Variants in CMTM7 observed in about 807,000 individuals in gnomAD.
CMTM7 encodes CKLF-like MARVEL transmembrane domain-containing protein 7.
Under a neutral mutation model 19.3 loss-of-function variants are expected in CMTM7, and 7 were observed. That is an observed-to-expected ratio of 0.36 (90% confidence interval 0.21 to 0.68). CMTM7 has a LOEUF of 0.68. CMTM7 is among the 30% of genes least tolerant of loss of function. CMTM7 has a pLI of 0.60. For missense variants in CMTM7, 193 were observed against 232.6 expected, an observed-to-expected ratio of 0.83 and a Z score of 1.11; for synonymous variants, 87 against 99.3, an observed-to-expected ratio of 0.88 and a Z score of 0.74.
At chr3:32,403,790 G>A (rs545113675) in intron 1 of CMTM7, among the ~76,000 whole-genome samples, 10 of 152,236 alleles carry the variant, frequency 6.6e-5, no homozygotes, top group South Asian at 4.1e-4. Flanking sequence ...TTATTTGGTC[G>A]TACTATATAA....
intron 1 of CMTM7, among the ~76,000 whole-genome samples, chr3:32,429,699 G>C (rs1468491298): frequency 6.8e-6 from 1 of 146,418 alleles, no homozygotes; most frequent in African/African-American, 2.5e-5. Flanking sequence ...CTCCCAGGTT[G>C]ACGCCATTCT....
intron 1 of CMTM7, among the ~76,000 whole-genome samples, chr3:32,405,785 T>A (rs1696083449): frequency 6.6e-6 from 1 of 152,198 alleles, no homozygotes; most frequent in East Asian, 1.9e-4. Flanking sequence ...AATAAATATC[T>A]TGTAAGTTAT....
intron 1 of CMTM7, among the ~76,000 whole-genome samples, chr3:32,395,760 A>G (rs914044619): frequency 1.5e-4 from 23 of 152,232 alleles, no homozygotes; most frequent in African/African-American, 5.5e-4. Flanking sequence ...GTGACCCAGC[A>G]ATTCTACTCC....
chr3:32,422,583 C>T (rs1450947092), intron 1 of CMTM7, among the ~76,000 whole-genome samples: 2 of 152,214 alleles, frequency 1.3e-5, no homozygotes, highest in Non-Finnish European at 2.9e-5. Flanking sequence ...GAATGAATAA[C>T]TTCATTCTCC....
intron 1 of CMTM7, among the ~76,000 whole-genome samples, chr3:32,398,500 C>G (rs1420446988): frequency 6.6e-6 from 1 of 151,878 alleles, no homozygotes; most frequent in African/African-American, 2.4e-5. Flanking sequence ...TCTTTATACT[C>G]AAATAGAGAA....
chr3:32,417,902 A>G (rs1464501333), intron 1 of CMTM7, among the ~76,000 whole-genome samples: 2 of 152,028 alleles, frequency 1.3e-5, no homozygotes, highest in Non-Finnish European at 2.9e-5. Context: ...GCTCACTGCA[A>G]CCTCCACCTT....
rs1696795177 is a variant in CMTM7 at position 32,449,300 on chromosome 3, G to A, written c.334-154G>A. ...TGGTCAGCCCGCATGTTGGCTGCCT[G>A]CGAGCGGCTCTGCTCATCCCATTTG... On this transcript the variant is annotated intron_variant, in intron 2 of 4. Transcript: ENST00000334983. The surrounding 1 kb of genome is among the most constrained non-coding windows in gnomAD (Gnocchi z 4.5). Among the ~76,000 whole-genome samples, 1 of 152,160 alleles carries A rather than the reference G, an allele frequency of 6.6e-6. No homozygotes were observed.
intron 1 of CMTM7, among the ~76,000 whole-genome samples, chr3:32,425,101 G>A (rs1696409797): frequency 6.6e-6 from 1 of 152,208 alleles, no homozygotes; most frequent in African/African-American, 2.4e-5. Context: ...CAGCTCTGTG[G>A]TCTAGAGCAG....
chr3:32,440,135 G>C (rs1056694182), intron 1 of CMTM7, among the ~76,000 whole-genome samples: 3 of 151,852 alleles, frequency 2.0e-5, no homozygotes, highest in East Asian at 1.9e-4. Context: ...GGCCAGGCGT[G>C]GTGGCTCACA....
chr3:32,451,866 A>G, intron 3 of CMTM7: 2 of 367,334 alleles, frequency 5.4e-6, no homozygotes, highest in South Asian at 4.2e-5. Context: ...AGTTGAGTCT[A>G]ATATTGTTTA....
At chr3:32,439,845 C>T (rs1323038559) in intron 1 of CMTM7, among the ~76,000 whole-genome samples, 1 of 152,170 alleles carries the variant, frequency 6.6e-6, no homozygotes, top group African/African-American at 2.4e-5. Context: ...AGTTGAGGGG[C>T]CACATTTGGG....
At position 32,395,678 on chromosome 3, in the gene CMTM7, AT is replaced by A. The variant is rs1280955510; in HGVS notation, c.159+3614del. Among the ~76,000 whole-genome samples, 3 of 152,236 alleles carry A rather than the reference AT, an allele frequency of 2.0e-5. No homozygotes were observed. The East Asian group carries it at 5.8e-4, about 29-fold the overall frequency. On this transcript the variant is annotated intron_variant, in intron 1 of 4. Transcript: ENST00000334983. ...AGGATGTGAAGAAATTGGAACTCTG[AT>A]ACAGTGCTGATGAGAATGCAAAATG...
intron 1 of CMTM7, among the ~76,000 whole-genome samples, chr3:32,395,534 A>G (rs573813791): frequency 6.1e-4 from 93 of 152,380 alleles, no homozygotes; most frequent in African/African-American, 1.9e-3. Flanking sequence ...TCCAAAACTC[A>G]TAACTCTGGC....
chr3:32,393,489 T>C (rs972967119), intron 1 of CMTM7, among the ~76,000 whole-genome samples: 1 of 152,142 alleles, frequency 6.6e-6, no homozygotes, highest in Non-Finnish European at 1.5e-5. Flanking sequence ...GAGAATGGGA[T>C]CAGAAGCCTC....
intron 1 of CMTM7, among the ~76,000 whole-genome samples, chr3:32,434,729 A>C (rs540611767): frequency 6.6e-6 from 1 of 152,252 alleles, no homozygotes; most frequent in Non-Finnish European, 1.5e-5. Context: ...CAAAAGACTA[A>C]AAATAAAGGC....
intron 1 of CMTM7, among the ~76,000 whole-genome samples, chr3:32,427,453 G>A (rs552688744): frequency 6.6e-6 from 1 of 152,104 alleles, no homozygotes; most frequent in South Asian, 2.1e-4. Context: ...AGGTGCCCTC[G>A]GTATGGGGAC....
rs1269127767 is a variant in CMTM7, at chr3:32,443,373, G to C, written c.333+1360G>C. On this transcript the variant is annotated intron_variant, in intron 2 of 4. Transcript: ENST00000334983. The stretch of plus-strand genomic sequence containing the variant: ...CCCACTTTGGCCTCCCAAAGTGCTG[G>C]GATTACAGACATGAGCCACCATGCC... Among the ~76,000 whole-genome samples, 5 of 152,074 alleles carry C rather than the reference G, an allele frequency of 3.3e-5. No individual in the cohort carries two copies. The East Asian group carries it at 9.7e-4, about 29-fold the overall frequency.
At chr3:32,424,764 G>A (rs949560846) in intron 1 of CMTM7, among the ~76,000 whole-genome samples, 26 of 151,768 alleles carry the variant, frequency 1.7e-4, no homozygotes, top group East Asian at 3.9e-4. Context: ...TCCCAGCCTC[G>A]GCCTTCCGAG....
In CMTM7 at chr3:32,391,993, G is replaced by T; in HGVS notation, c.87G>T (p.Ala29=). The T allele has an allele frequency of 8.1e-7, 1 of 1,233,646 alleles. No homozygotes were observed. The highest frequency in any genetic ancestry group is 1.0e-6 in the Non-Finnish European group (1 of 986,904). The allele number at this position is 1,233,646 out of a possible 1,614,324, so 76.4% of individuals were successfully genotyped here. A position where few individuals can be genotyped will look rare whatever the true frequency, so the allele number is the denominator to read the frequency against. The change falls in exon 1 of 5, where the codon GCG becomes GCT. Residue 29 remains alanine, a synonymous_variant. Coordinates refer to ENST00000334983, the MANE Select transcript of CMTM7 (RefSeq NM_138410.4). ...GGGCCGGCGCGGCCCAGCCCAGCGC[G>T]AGCCCCTTGGAGGGGCTGCTGGACC... ...GPGAGAAQPS[A]SPLEGLLDLS...
Sources: allele counts gnomAD v4.1 joint callset (sites outside exome capture counted in the v4.1 genomes callset), GRCh38; gene constraint gnomAD v4.1.1; non-coding constraint Gnocchi (gnomAD v3.1); transcripts MANE v1.5; gene names NCBI Gene and HGNC (gene_info 2026-07-23, HGNC 2026-07-21).